Variants in MS4A7 observed in about 807,000 individuals in gnomAD.
The protein encoded by MS4A7 is membrane-spanning 4-domains subfamily A member 7.
In MS4A7, 21 loss-of-function variants were observed where a neutral mutation model predicts 23.5. The observed-to-expected ratio is 0.89, with a 90% CI of 0.63 to 1.29. The LOEUF (loss-of-function observed/expected upper bound fraction) is 1.29, where lower values mean the gene tolerates loss of function less well. Among genes scored for constraint, MS4A7 ranks in the 50% most tolerant of loss-of-function variants. The pLI, the probability that MS4A7 is intolerant of heterozygous loss-of-function variation, is 0.00. For missense variants in MS4A7, 263 were observed against 274.2 expected (o/e 0.96, Z 0.29); for synonymous variants, 111 against 107.4 (o/e 1.03, Z -0.21).
intron 2 of MS4A7, 31 bp downstream of exon 2, chr11:60,383,319 G>T (rs1203561170): frequency 1.9e-6 from 3 of 1,611,180 alleles, no homozygotes; most frequent in South Asian, 2.2e-5. Context: ...GGGGAATACT[G>T]AGAAAATACT....
intron 3 of MS4A7, 104 bp downstream of exon 3, chr11:60,385,326 G>A (rs2233245): frequency 0.016 from 20,916 of 1,342,444 alleles, 196 homozygotes; most frequent in Middle Eastern, 0.026. Flanking sequence ...GGCAAAAGGC[G>A]GCAAGGCCTC....
intron 2 of MS4A7, 48 bp downstream of exon 2, chr11:60,383,336 A>C: frequency 9.4e-6 from 15 of 1,602,974 alleles, no homozygotes; most frequent in East Asian, 2.2e-5. Flanking sequence ...TACTTTGTAA[A>C]TGTATCTAGA....
chr11:60,392,893 G>T (rs559084293), intron 6 of MS4A7, 107 bp downstream of exon 6: 2 of 757,174 alleles, frequency 2.6e-6, no homozygotes, highest in South Asian at 3.5e-5. Context: ...TGTTCATGAG[G>T]TGCATGTGGA....
rs745801409 is a variant in MS4A7 at position 60,389,482 on chromosome 11, T to C, written c.432T>C (p.Thr144=). The change falls in exon 5 of 7, where the codon ACT becomes ACC. Residue 144 remains threonine (T), a synonymous_variant. Coordinates refer to ENST00000300184, the MANE Select transcript of MS4A7 (RefSeq NM_021201.5). ...LLADSMVALR[T]ASQHCGSEMD... ...CTGACAGCATGGTAGCCCTGAGGAC[T>C]GCCTCTCAACATTGTGGCTCAGAAA... 5.6e-6 allele frequency: 9 copies of C among 1,614,132 alleles called. No individual in the cohort carries two copies. The highest frequency in any genetic ancestry group is 1.7e-5 in the Admixed American group (1 of 60,020).
intron 5 of MS4A7, among the ~76,000 whole-genome samples, chr11:60,390,180 C>T (rs1357978895): frequency 6.6e-6 from 1 of 152,150 alleles, no homozygotes; most frequent in East Asian, 1.9e-4. Flanking sequence ...TTTGGTCTAA[C>T]AGGGCTGACA....
rs563266370 is a variant in MS4A7 at position 60,379,724 on chromosome 11, G to A, written c.-14+1060G>A. Among the ~76,000 whole-genome samples, 19 of 152,092 alleles carry A rather than the reference G, an allele frequency of 1.2e-4. No individual in the cohort carries two copies. In the East Asian group the frequency reaches 3.1e-3, roughly 25 times the overall value. On this transcript the variant is annotated intron_variant, in intron 1 of 6. Transcript: ENST00000300184. ...ATTTTTGTATTTTTTTAGTAGAGACGGGGTTTCACCATGTTGGCCACGCTG... is the reference window on the plus strand; with the variant it reads ...ATTTTTGTATTTTTTTAGTAGAGACAGGGTTTCACCATGTTGGCCACGCTG...
At chr11:60,383,033 A>G (rs1459155818) in intron 1 of MS4A7, 96 bp from the exon 2 acceptor site, 1 of 1,358,874 alleles carries the variant, frequency 7.4e-7, no homozygotes, top group African/African-American at 1.5e-5. Context: ...AATAATGGCA[A>G]ATACCTTCTT....
intron 5 of MS4A7, 163 bp downstream of exon 5, chr11:60,389,759 C>T (rs2085531728): frequency 6.1e-6 from 4 of 656,316 alleles, no homozygotes; most frequent in Non-Finnish European, 1.1e-5. Flanking sequence ...CTGCTGACTG[C>T]ATGGTGTGGG....
intron 2 of MS4A7, among the ~76,000 whole-genome samples, chr11:60,383,948 T>C (rs1378169278): frequency 2.0e-5 from 3 of 152,232 alleles, no homozygotes; most frequent in Non-Finnish European, 4.4e-5. Context: ...TTCAAATATT[T>C]TGAGATGAGA....
chr11:60,379,736 T>C (rs919602467), intron 1 of MS4A7, among the ~76,000 whole-genome samples: 1 of 152,220 alleles, frequency 6.6e-6, no homozygotes, highest in African/African-American at 2.4e-5. Flanking sequence ...GGTTTCACCA[T>C]GTTGGCCACG....
chr11:60,388,398 A>G (rs954745756), intron 4 of MS4A7, among the ~76,000 whole-genome samples: 2 of 152,202 alleles, frequency 1.3e-5, no homozygotes, highest in African/African-American at 4.8e-5. Context: ...GGATAGGAGG[A>G]GAGGATTTCA....
Position 60,388,691 on chromosome 11 carries a change from C to A in MS4A7, c.340-699C>A, listed in dbSNP as rs1357917711. On this transcript the variant is annotated intron_variant, in intron 4 of 6. Transcript: ENST00000300184. Reference sequence around the variant, plus strand: ...TTATAGCTGCTTCCTCCCTTTCTCCCTCCAAGGTTTGTGGGAAAAGTGGCT... The same window carrying A: ...TTATAGCTGCTTCCTCCCTTTCTCCATCCAAGGTTTGTGGGAAAAGTGGCT... 2.0e-5 allele frequency among the ~76,000 whole-genome samples: 3 copies of A among 152,302 alleles called. No homozygotes were observed. The South Asian group carries it at 6.2e-4, about 32-fold the overall frequency.
chr11:60,389,773 T>C (rs1423907717), intron 5 of MS4A7, 177 bp downstream of exon 5: 1 of 611,516 alleles, frequency 1.6e-6, no homozygotes, highest in Non-Finnish European at 2.9e-6. Flanking sequence ...GTGTGGGGGA[T>C]GTACTATAGA....
chr11:60,389,442 G>T lies in MS4A7; in HGVS notation c.392G>T (p.Gly131Val), dbSNP rs1283531444. The change falls in exon 5 of 7, where the codon GGC (glycine) becomes GTC (valine). Residue 131 changes from glycine (G) to valine (V), a missense_variant. Coordinates refer to ENST00000300184, the MANE Select transcript of MS4A7 (RefSeq NM_021201.5). Reference protein sequence around the residue: ...NAVSSVTAGAGLFLLADSMVA... With the variant: ...NAVSSVTAGAVLFLLADSMVA... ...GTGAGTTCTGTTACTGCAGGAGCAGGCCTCTTCCTCCTTGCTGACAGCATG... is the reference window on the plus strand; with the variant it reads ...GTGAGTTCTGTTACTGCAGGAGCAGTCCTCTTCCTCCTTGCTGACAGCATG... The T allele has an allele frequency of 6.2e-7, 1 of 1,613,898 alleles. No individual in the cohort carries two copies. The highest frequency in any genetic ancestry group is 8.5e-7 in the Non-Finnish European group (1 of 1,179,938).
At chr11:60,392,192 G>T (rs1019821912) in intron 5 of MS4A7, among the ~76,000 whole-genome samples, 1 of 152,032 alleles carries the variant, frequency 6.6e-6, no homozygotes, top group South Asian at 2.1e-4. Flanking sequence ...TAAAAGGTAT[G>T]ATGGATGCAG....
intron 1 of MS4A7, among the ~76,000 whole-genome samples, chr11:60,379,539 TTTGTTTG>T (rs764335449): frequency 1.0e-4 from 14 of 134,988 alleles, no homozygotes; most frequent in Non-Finnish European, 2.0e-4. Flanking sequence ...TGTTTGTTTG[TTTGTTTG>T]TTTTTTAATT....
chr11:60,383,408 T>C (rs1400066301), intron 2 of MS4A7, 120 bp downstream of exon 2: 9 of 1,171,420 alleles, frequency 7.7e-6, no homozygotes, highest in African/African-American at 1.5e-5. Context: ...TCCAGGCTAA[T>C]GAGGACATGA....
At chr11:60,384,943 T>A in intron 2 of MS4A7, 145 bp from the exon 3 acceptor site, 1 of 650,832 alleles carries the variant, frequency 1.5e-6, no homozygotes, top group Non-Finnish European at 2.5e-6. Flanking sequence ...TAGAAGCATA[T>A]CGATTGGCTC....
In MS4A7 at chr11:60,384,636, C is replaced by T. The variant is rs74441253; in HGVS notation, c.148-452C>T. ...AGCTAAACTTCAGTTCTTCCACTTGCGAAATAATTATTATTAAAATCCAAT... is the reference window on the plus strand; with the variant it reads ...AGCTAAACTTCAGTTCTTCCACTTGTGAAATAATTATTATTAAAATCCAAT... On this transcript the variant is annotated intron_variant, in intron 2 of 6. Coordinates refer to ENST00000300184, the MANE Select transcript of MS4A7 (RefSeq NM_021201.5). Among the ~76,000 whole-genome samples the T allele has an allele frequency of 5.7e-3, 862 of 152,274 alleles. 14 individuals are homozygous for T. The highest frequency in any genetic ancestry group is 0.02 in the African/African-American group (816 of 41,548).
Sources: allele counts gnomAD v4.1 joint callset (sites outside exome capture counted in the v4.1 genomes callset), GRCh38; gene constraint gnomAD v4.1.1; transcripts MANE v1.5; gene names NCBI Gene and HGNC (gene_info 2026-07-23, HGNC 2026-07-21).